Variants in RCBTB2 observed in about 807,000 individuals in gnomAD.
RCBTB2 encodes RCC1 and BTB domain-containing protein 2.
Under a neutral mutation model 65.4 loss-of-function variants are expected in RCBTB2, and 55 were observed. That is an observed-to-expected ratio of 0.84 (90% confidence interval 0.68 to 1.05). The LOEUF (loss-of-function observed/expected upper bound fraction) is 1.05. RCBTB2 is among the 50% of genes least tolerant of loss of function. RCBTB2 has a pLI of 0.00. For missense variants in RCBTB2, 599 were observed against 680.1 expected, an observed-to-expected ratio of 0.88 and a Z score of 1.33; for synonymous variants, 220 against 255.2, an observed-to-expected ratio of 0.86 and a Z score of 1.31.
chr13:48,535,874 G>A (rs991066666), upstream of RCBTB2: 10 of 392,120 alleles, frequency 2.6e-5, no homozygotes, highest in African/African-American at 6.3e-5. Flanking sequence ...CTATCTTCTC[G>A]TTCCCTTAGT....
intron 4 of RCBTB2, among the ~76,000 whole-genome samples, chr13:48,519,542 C>T (rs1269464022): frequency 6.6e-6 from 1 of 152,078 alleles, no homozygotes; most frequent in Non-Finnish European, 1.5e-5. Flanking sequence ...TACTGGGATT[C>T]CAATGCGTGT....
intron 13 of RCBTB2, 90 bp from the exon 14 acceptor site, chr13:48,496,411 C>T (rs1402654335): frequency 8.4e-6 from 11 of 1,309,980 alleles, no homozygotes; most frequent in Admixed American, 2.6e-5. Context: ...GATTTTGACA[C>T]TATTTTAGAT....
intron 7 of RCBTB2, 145 bp downstream of exon 7, chr13:48,512,584 C>A (rs1950863547): frequency 2.9e-6 from 2 of 694,522 alleles, no homozygotes; most frequent in Admixed American, 2.8e-5. Context: ...ACATCAACAC[C>A]CTGACTGTGA....
At chr13:48,535,881 T>C (rs2138697360), upstream of RCBTB2, 1 of 387,984 alleles carries the variant, frequency 2.6e-6, no homozygotes, top group East Asian at 7.3e-5. Flanking sequence ...CTCGTTCCCT[T>C]AGTAATTTTA....
At chr13:48,526,098 A>C (rs1951715147) in intron 1 of RCBTB2, among the ~76,000 whole-genome samples, 1 of 152,220 alleles carries the variant, frequency 6.6e-6, no homozygotes, top group African/African-American at 2.4e-5. Flanking sequence ...TGGAGAGATT[A>C]AGGTTACCCA....
At chr13:48,490,342 G>T in intron 14 of RCBTB2, 91 bp from the exon 15 acceptor site, 1 of 1,133,192 alleles carries the variant, frequency 8.8e-7, no homozygotes, top group Non-Finnish European at 1.3e-6. Flanking sequence ...GTTAGGCAAA[G>T]AAAAAGGATT....
chr13:48,505,475 C>G (rs1216231089), intron 10 of RCBTB2, among the ~76,000 whole-genome samples: 1 of 152,104 alleles, frequency 6.6e-6, no homozygotes. Flanking sequence ...CCGTGCCAGA[C>G]GGGGAAAATG....
At chr13:48,491,454 T>C (rs1350194130) in intron 14 of RCBTB2, among the ~76,000 whole-genome samples, 3 of 152,212 alleles carry the variant, frequency 2.0e-5, no homozygotes, top group African/African-American at 7.2e-5. Flanking sequence ...ACACACCCAC[T>C]TGTCATCACA....
intron 10 of RCBTB2, chr13:48,504,397 CAACA>C (rs1157761231): frequency 4.5e-6 from 4 of 886,934 alleles, no homozygotes; most frequent in African/African-American, 3.6e-5. Context: ...CACCCTGTTT[CAACA>C]AACAGGCTTT....
chr13:48,528,322 G>A (rs1951919212), intron 1 of RCBTB2, among the ~76,000 whole-genome samples: 1 of 152,124 alleles, frequency 6.6e-6, no homozygotes, highest in Non-Finnish European at 1.5e-5. Context: ...TTCCTGCAGA[G>A]AAGTCCCAGT....
intron 11 of RCBTB2, among the ~76,000 whole-genome samples, chr13:48,502,352 G>C (rs1485734668): frequency 6.6e-6 from 1 of 151,960 alleles, no homozygotes. Flanking sequence ...AATTAGCCAG[G>C]CATGGTAATG....
In RCBTB2 at chr13:48,512,013, T is replaced by C. The variant is rs377458172; in HGVS notation, c.675+3A>G. 3 of 1,612,806 alleles carry C rather than the reference T, an allele frequency of 1.9e-6. No individual in the cohort carries two copies. The highest frequency in any genetic ancestry group is 2.5e-6 in the Non-Finnish European group (3 of 1,179,006). On this transcript the variant is annotated splice_donor_region_variant and intron_variant, in intron 8 of 14. Coordinates refer to ENST00000344532, the MANE Select transcript of RCBTB2 (RefSeq NM_001268.4). The stretch of plus-strand genomic sequence containing the variant: ...TAAACAAGATGTAAAATAACTTCCT[T>C]ACCTCCCCCGTGTCTACTACTGCCA...
intron 12 of RCBTB2, among the ~76,000 whole-genome samples, chr13:48,500,022 A>T (rs1950162265): frequency 6.6e-6 from 1 of 152,150 alleles, no homozygotes; most frequent in African/African-American, 2.4e-5. Flanking sequence ...TCTCTCTCAC[A>T]CCACAACCAC....
intron 11 of RCBTB2, among the ~76,000 whole-genome samples, chr13:48,502,367 T>G (rs1026342181): frequency 3.9e-5 from 6 of 152,102 alleles, no homozygotes; most frequent in African/African-American, 1.4e-4. Flanking sequence ...GTAATGGGTA[T>G]GTATAGTCCC....
chr13:48,504,262 G>A (rs992925375), intron 10 of RCBTB2: 77 of 985,266 alleles, frequency 7.8e-5, no homozygotes, highest in East Asian at 1.1e-4. Flanking sequence ...TTGGAACACC[G>A]TTCTCATCAG....
chr13:48,520,882 C>G (rs773401218), intron 4 of RCBTB2, among the ~76,000 whole-genome samples: 1 of 152,028 alleles, frequency 6.6e-6, no homozygotes, highest in Non-Finnish European at 1.5e-5. Context: ...CTTTTGAGTA[C>G]TTCCTAGCAT....
upstream of RCBTB2, among the ~76,000 whole-genome samples, chr13:48,534,607 C>G (rs1952332451): frequency 6.6e-6 from 1 of 152,204 alleles, no homozygotes; most frequent in South Asian, 2.1e-4. Context: ...GTTTTGAAAA[C>G]TGTGATATTA....
At chr13:48,493,315 A>ACACACACACACACT (rs759504798) in intron 14 of RCBTB2, among the ~76,000 whole-genome samples, 46 of 75,078 alleles carry the variant, frequency 6.1e-4, no homozygotes, top group African/African-American at 2.7e-3. Context: ...ACACACACAC[A>ACACACACACACACT]CTCTCTCTCT....
intron 4 of RCBTB2, among the ~76,000 whole-genome samples, chr13:48,516,601 A>C (rs1417126079): frequency 6.6e-6 from 1 of 152,176 alleles, no homozygotes; most frequent in African/African-American, 2.4e-5. Flanking sequence ...ATATTGGATT[A>C]AGGTCCACCC....
Sources: allele counts gnomAD v4.1 joint callset (sites outside exome capture counted in the v4.1 genomes callset), GRCh38; gene constraint gnomAD v4.1.1; transcripts MANE v1.5; gene names NCBI Gene and HGNC (gene_info 2026-07-23, HGNC 2026-07-21).